The following GRM5 variants were observed in gnomAD, a reference collection of about 807,000 sequenced individuals.
GRM5 encodes glutamate metabotropic receptor 5.
A neutral mutation model predicts 83.1 loss-of-function variants in GRM5; 19 were observed. That is an observed-to-expected ratio of 0.23 (90% CI 0.16 to 0.34). The LOEUF (loss-of-function observed/expected upper bound fraction) is 0.34. Among genes scored for constraint, GRM5 ranks in the 10% least tolerant of loss-of-function variants. The pLI is 1.00. For synonymous variants in GRM5, 675 were observed against 633.6 expected (o/e 1.07, Z -0.98); for missense variants, 1,160 against 1,588.3 (o/e 0.73, Z 4.58).
chr11:88,892,229 G>A (rs1945157691), intron 2 of GRM5, among the ~76,000 whole-genome samples: 1 of 150,266 alleles, frequency 6.7e-6, no homozygotes, highest in South Asian at 2.1e-4. Flanking sequence ...GACAGGAAGT[G>A]TATGCTTCCC....
Position 88,711,162 on chromosome 11 carries a change from C to T in GRM5, c.912-57759G>A, listed in dbSNP as rs576254003. On this transcript the variant is annotated intron_variant, in intron 3 of 9. Transcript: ENST00000305447. ...ATGGCCTTGAAGAGACCCAGGGATA[C>T]GAAAGTTTGAATGAAGAAGGGCTCT... Among the ~76,000 whole-genome samples the T allele has an allele frequency of 2.9e-4, 44 of 151,974 alleles. 1 individual carries two copies. In the South Asian group the frequency reaches 7.9e-3, roughly 27 times the overall value.
At chr11:88,909,943 C>T (rs1488060048) in intron 2 of GRM5, among the ~76,000 whole-genome samples, 1 of 151,954 alleles carries the variant, frequency 6.6e-6, no homozygotes, top group Non-Finnish European at 1.5e-5. Context: ...TCAACTTTTC[C>T]ATCTGAACCA....
intron 3 of GRM5, among the ~76,000 whole-genome samples, chr11:88,681,565 C>CTTTTTTTTTTTTCTTTTTTTTTTT (rs1940489078): frequency 3.9e-5 from 1 of 25,402 alleles, no homozygotes; most frequent in Non-Finnish European, 7.9e-5. Flanking sequence ...TGAGTTCTTC[C>CTTTTTTTTTTTTCTTTTTTTTTTT]TTTTTTTTTT....
intron 2 of GRM5, among the ~76,000 whole-genome samples, chr11:88,999,694 T>C (rs1411328079): frequency 1.3e-5 from 2 of 152,128 alleles, no homozygotes; most frequent in Non-Finnish European, 2.9e-5. Context: ...TCCTCAGGGA[T>C]CTAGAACTAG....
intron 2 of GRM5, among the ~76,000 whole-genome samples, chr11:89,000,215 G>A (rs765023074): frequency 4.6e-5 from 7 of 151,982 alleles, no homozygotes; most frequent in Non-Finnish European, 7.4e-5. Context: ...TTGTGCACAC[G>A]TACCCTAAAA....
At position 88,593,203 on chromosome 11, in the gene GRM5, A is replaced by G. The variant is rs530278866; in HGVS notation, c.1564-2476T>C. 2.6e-5 allele frequency among the ~76,000 whole-genome samples: 4 copies of G among 152,342 alleles called. No homozygotes were observed. The South Asian group carries it at 8.3e-4, about 32-fold the overall frequency. On this transcript the variant is annotated intron_variant, in intron 6 of 9. Coordinates refer to ENST00000305447, the MANE Select transcript of GRM5 (RefSeq NM_001143831.3). Reference sequence around the variant, plus strand: ...ATCCTTTCATGGAAACTAAGTTTACAAACTCTGGAAAATGCCATGAGATGT... The same window carrying G: ...ATCCTTTCATGGAAACTAAGTTTACGAACTCTGGAAAATGCCATGAGATGT...
chr11:88,527,005 T>G (rs1565325265), intron 8 of GRM5, among the ~76,000 whole-genome samples: 1 of 152,146 alleles, frequency 6.6e-6, no homozygotes, highest in Non-Finnish European at 1.5e-5. Flanking sequence ...GAAAAGAACT[T>G]AGAGACTTTG....
At chr11:89,003,320 G>A (rs1940441659) in intron 2 of GRM5, among the ~76,000 whole-genome samples, 2 of 151,892 alleles carry the variant, frequency 1.3e-5, no homozygotes, top group South Asian at 2.1e-4. Flanking sequence ...GAAAAACCCC[G>A]GGATATAAAA....
chr11:89,025,098 T>C lies in GRM5; in HGVS notation c.661+22114A>G, dbSNP rs187137880. 2.3e-4 allele frequency among the ~76,000 whole-genome samples: 35 copies of C among 152,356 alleles called. No individual in the cohort carries two copies. In the East Asian group the frequency reaches 6.6e-3, roughly 29 times the overall value. ...CTTCACGTTATACTGGCTTCATTTTTTCTTCTGTATCTTGTAATGTGAGGA... is the reference window on the plus strand; with the variant it reads ...CTTCACGTTATACTGGCTTCATTTTCTCTTCTGTATCTTGTAATGTGAGGA... On this transcript the variant is annotated intron_variant, in intron 2 of 9. Coordinates refer to ENST00000305447, the MANE Select transcript of GRM5 (RefSeq NM_001143831.3).
At chr11:88,945,569 C>T (rs1188989667) in intron 2 of GRM5, among the ~76,000 whole-genome samples, 1 of 151,744 alleles carries the variant, frequency 6.6e-6, no homozygotes, top group East Asian at 1.9e-4. Flanking sequence ...GAACAGAACT[C>T]AGAAATAAAG....
At chr11:89,052,379 C>T (rs1292548596) in intron 1 of GRM5, among the ~76,000 whole-genome samples, 1 of 151,814 alleles carries the variant, frequency 6.6e-6, no homozygotes, top group Non-Finnish European at 1.5e-5. Flanking sequence ...AGGAGTCAAC[C>T]CAAAAAGTAA....
chr11:88,632,239 A>T lies in GRM5; in HGVS notation c.1147+20929T>A, dbSNP rs1049834961. ...AAGTTTCATAGAGATTGAATCACACAGTATGTACTTTTTTTTTTTTTTTTT... is the reference window on the plus strand; with the variant it reads ...AAGTTTCATAGAGATTGAATCACACTGTATGTACTTTTTTTTTTTTTTTTT... On this transcript the variant is annotated intron_variant, in intron 4 of 9. Transcript: ENST00000305447. Among the ~76,000 whole-genome samples the T allele has an allele frequency of 9.3e-5, 13 of 140,238 alleles. No homozygotes were observed. The South Asian group carries it at 3.0e-3, about 32-fold the overall frequency. 92.0% of individuals were successfully genotyped at this position (140,238 alleles called of 152,430 possible). A position where few individuals can be genotyped will look rare whatever the true frequency, so the allele number is the denominator to read the frequency against.
At chr11:89,029,924 A>T (rs560605706) in intron 2 of GRM5, among the ~76,000 whole-genome samples, 212 of 152,298 alleles carry the variant, frequency 1.4e-3, no homozygotes, top group African/African-American at 4.9e-3. Context: ...CCAAAGCTGT[A>T]GATGTCATAT....
intron 2 of GRM5, among the ~76,000 whole-genome samples, chr11:88,914,982 T>G (rs1021029739): frequency 5.3e-5 from 8 of 152,112 alleles, no homozygotes; most frequent in African/African-American, 1.9e-4. Context: ...AAGAAAATAC[T>G]CAGAAAATTA....
At chr11:88,851,272 A>G (rs1944386192) in intron 2 of GRM5, among the ~76,000 whole-genome samples, 1 of 152,206 alleles carries the variant, frequency 6.6e-6, no homozygotes, top group Non-Finnish European at 1.5e-5. Context: ...TATTAGATAT[A>G]TAAGGGGGAT....
At chr11:88,673,233 A>G (rs1355150348) in intron 3 of GRM5, among the ~76,000 whole-genome samples, 1 of 151,934 alleles carries the variant, frequency 6.6e-6, no homozygotes, top group Non-Finnish European at 1.5e-5. Flanking sequence ...GGAAGTGATT[A>G]TAGGATGGAA....
At chr11:88,663,087 A>C (rs1391013120) in intron 3 of GRM5, among the ~76,000 whole-genome samples, 2 of 152,166 alleles carry the variant, frequency 1.3e-5, no homozygotes, top group Non-Finnish European at 2.9e-5. Context: ...TCCCAACTCT[A>C]TTCTGCATTT....
intron 7 of GRM5, among the ~76,000 whole-genome samples, chr11:88,587,138 C>G (rs1290713574): frequency 6.6e-6 from 1 of 152,094 alleles, no homozygotes; most frequent in Non-Finnish European, 1.5e-5. Context: ...GTATACAGAT[C>G]ATTAAAATTT....
At chr11:88,532,813 A>G (rs1942044262) in intron 8 of GRM5, among the ~76,000 whole-genome samples, 1 of 152,222 alleles carries the variant, frequency 6.6e-6, no homozygotes, top group African/African-American at 2.4e-5. Context: ...TAACTAATGT[A>G]CAGAGTTTTG....
Sources: gnomAD v4.1 joint callset for allele counts (sites outside exome capture counted in the v4.1 genomes callset) on GRCh38, gnomAD v4.1.1 for gene constraint, MANE v1.5 for transcripts, NCBI Gene and HGNC (gene_info 2026-07-23, HGNC 2026-07-21) for gene names.